The following DYRK1A variants were observed in gnomAD, a reference collection of about 807,000 sequenced individuals.
The protein encoded by DYRK1A is dual specificity tyrosine phosphorylation regulated kinase 1A, also known as dual specificity tyrosine-phosphorylation-regulated kinase 1A.
DYRK1A carries 9 observed loss-of-function variants against 79.7 expected under a neutral mutation model. That is an observed-to-expected ratio of 0.11 (90% confidence interval 0.07 to 0.20). DYRK1A has a LOEUF of 0.20. DYRK1A is among the 10% of genes least tolerant of loss of function. DYRK1A has a pLI of 1.00. For missense variants in DYRK1A, 622 were observed against 956.0 expected (o/e 0.65, Z 4.61); for synonymous variants, 349 against 329.7 (o/e 1.06, Z -0.63).
rs1130754 is a variant in DYRK1A, at chr21:37,486,604, A to G, written c.627A>G (p.Lys209=). 49 of 1,586,656 alleles carry G rather than the reference A, an allele frequency of 3.1e-5. No homozygotes were observed. The Admixed American group carries it at 6.4e-4, about 21-fold the overall frequency. ...ELMNKHDTEM[K]YYIVHLKRHF... ...TGAACAAACATGACACTGAAATGAAATACTACATAGGTAAACAAACAGGCA... is the reference window on the plus strand; with the variant it reads ...TGAACAAACATGACACTGAAATGAAGTACTACATAGGTAAACAAACAGGCA... The change falls in exon 6 of 12, where the codon AAA becomes AAG. Residue 209 remains lysine (K), a synonymous_variant. Transcript: ENST00000647188.
In DYRK1A at chr21:37,514,156, G is replaced by C. The variant is rs899058841; in HGVS notation, c.*1625G>C. 6.6e-6 allele frequency: 1 copy of C among 152,646 alleles called. No individual in the cohort carries two copies. The highest frequency in any genetic ancestry group is 2.4e-5 in the African/African-American group (1 of 41,446). The allele number at this position is 152,646 out of a possible 1,614,324, so 9.5% of individuals were successfully genotyped here. A position where few individuals can be genotyped will look rare whatever the true frequency, so the allele number is the denominator to read the frequency against. On this transcript the variant is annotated 3_prime_UTR_variant, in exon 12 of 12. Coordinates refer to ENST00000647188, the MANE Select transcript of DYRK1A (RefSeq NM_001347721.2). ...TCCTGATTAACCTACTTGTAAACTT[G>C]AAAGCAAGACCTTGATTGCACCAAC...
intron 8 of DYRK1A, among the ~76,000 whole-genome samples, chr21:37,494,627 C>G (rs1455137010): frequency 6.6e-6 from 1 of 152,042 alleles, no homozygotes; most frequent in Admixed American, 6.6e-5. Context: ...TAGTTCTTAG[C>G]CAGCATCTGA....
chr21:37,486,840 G>T lies in DYRK1A; in HGVS notation c.637+226G>T, dbSNP rs2052887945. 2.8e-5 allele frequency: 10 copies of T among 360,236 alleles called. No homozygotes were observed. The East Asian group carries it at 4.4e-4, about 16-fold the overall frequency. 22.3% of individuals were successfully genotyped at this position (360,236 alleles called of 1,614,324 possible). A position where few individuals can be genotyped will look rare whatever the true frequency, so the allele number is the denominator to read the frequency against. On this transcript the variant is annotated intron_variant, in intron 6 of 11. Coordinates refer to ENST00000647188, the MANE Select transcript of DYRK1A (RefSeq NM_001347721.2). Reference sequence around the variant, plus strand: ...TAGCATACCATGTAGAAACAAATGAGAATAGTGTGTGTGTGTTTTTTATTT... The same window carrying T: ...TAGCATACCATGTAGAAACAAATGATAATAGTGTGTGTGTGTTTTTTATTT...
intron 11 of DYRK1A, among the ~76,000 whole-genome samples, chr21:37,507,406 G>C (rs916848043): frequency 1.3e-5 from 2 of 152,008 alleles, no homozygotes; most frequent in African/African-American, 4.8e-5. Flanking sequence ...GCACCTTTGC[G>C]TGTCCCCCTT....
intron 1 of DYRK1A, among the ~76,000 whole-genome samples, chr21:37,396,075 G>A (rs151171600): frequency 0.011 from 1,648 of 152,266 alleles, 28 homozygotes; most frequent in African/African-American, 0.036. Flanking sequence ...TCTGTGTAGT[G>A]CAGGGCCAGT....
At chr21:37,444,490 A>G (rs920953561) in intron 2 of DYRK1A, among the ~76,000 whole-genome samples, 11 of 152,184 alleles carry the variant, frequency 7.2e-5, no homozygotes, top group Non-Finnish European at 1.5e-5. Context: ...TCAGGTGTAG[A>G]CCTGTGACAA....
At chr21:37,485,201 G>C (rs1305264112) in intron 5 of DYRK1A, among the ~76,000 whole-genome samples, 1 of 152,098 alleles carries the variant, frequency 6.6e-6, no homozygotes, top group East Asian at 1.9e-4. Flanking sequence ...TAACTGTTTG[G>C]CAAGTCAGTA....
At chr21:37,436,989 A>G (rs1231032264) in intron 2 of DYRK1A, among the ~76,000 whole-genome samples, 1 of 152,142 alleles carries the variant, frequency 6.6e-6, no homozygotes, top group Non-Finnish European at 1.5e-5. Flanking sequence ...CTTGGCGAAA[A>G]TGGTATTTCA....
At chr21:37,485,045 C>T (rs2052805906) in intron 5 of DYRK1A, among the ~76,000 whole-genome samples, 2 of 152,050 alleles carry the variant, frequency 1.3e-5, no homozygotes, top group Admixed American at 6.5e-5. Context: ...ATCCTGATTG[C>T]GTATTGAAAT....
intron 2 of DYRK1A, among the ~76,000 whole-genome samples, chr21:37,460,592 A>C (rs2051807750): frequency 6.6e-6 from 1 of 152,188 alleles, no homozygotes; most frequent in African/African-American, 2.4e-5. Context: ...GTCTTTGTTT[A>C]CCTGTCTTTT....
chr21:37,450,217 G>A (rs1191356205), intron 2 of DYRK1A, among the ~76,000 whole-genome samples: 1 of 152,214 alleles, frequency 6.6e-6, no homozygotes, highest in Non-Finnish European at 1.5e-5. Context: ...AGGGAGGTAA[G>A]GTAGGAGATT....
At chr21:37,490,808 TTGTA>T (rs1456148870) in intron 7 of DYRK1A, among the ~76,000 whole-genome samples, 3 of 151,916 alleles carry the variant, frequency 2.0e-5, no homozygotes, top group South Asian at 2.1e-4. Context: ...ATATTTAAAA[TTGTA>T]TGTATGCTAA....
At chr21:37,449,391 G>A (rs550643960) in intron 2 of DYRK1A, among the ~76,000 whole-genome samples, 3 of 152,286 alleles carry the variant, frequency 2.0e-5, no homozygotes, top group African/African-American at 4.8e-5. Context: ...TGAACTATGG[G>A]CATTTTTCCT....
intron 1 of DYRK1A, among the ~76,000 whole-genome samples, chr21:37,388,106 T>TA (rs2049797478): frequency 6.7e-6 from 1 of 148,260 alleles, no homozygotes; most frequent in African/African-American, 2.5e-5. Context: ...TTTGATTTTT[T>TA]TTTTTTTTTT....
intron 2 of DYRK1A, among the ~76,000 whole-genome samples, chr21:37,437,744 C>CAA (rs1431672063): frequency 5.8e-4 from 89 of 152,170 alleles, no homozygotes; most frequent in African/African-American, 1.8e-3. Flanking sequence ...TTGGTTTATC[C>CAA]ACTTACCTGT....
At chr21:37,478,350 G>GA in intron 4 of DYRK1A, 50 bp downstream of exon 4, 2 of 1,547,326 alleles carry the variant, frequency 1.3e-6, no homozygotes. Flanking sequence ...ATGTCATTGA[G>GA]AAAAAAAGTG....
At chr21:37,380,478 A>G (rs11701862) in intron 1 of DYRK1A, among the ~76,000 whole-genome samples, 11,462 of 152,104 alleles carry the variant, frequency 0.075, 647 homozygotes, top group Non-Finnish European at 0.11. Flanking sequence ...TTACCTAGGA[A>G]TTGGCCTGAA....
At chr21:37,385,498 AAG>A (rs2049742363) in intron 1 of DYRK1A, among the ~76,000 whole-genome samples, 1 of 151,910 alleles carries the variant, frequency 6.6e-6, no homozygotes, top group Non-Finnish European at 1.5e-5. Context: ...AAGCCAGTAA[AAG>A]AGTCACCTTG....
intron 6 of DYRK1A, among the ~76,000 whole-genome samples, chr21:37,489,278 C>T (rs767248892): frequency 6.6e-6 from 1 of 152,116 alleles, no homozygotes; most frequent in African/African-American, 2.4e-5. Context: ...AGTTGTGTTA[C>T]AGGTGCTCAG....
Sources: allele counts gnomAD v4.1 joint callset (sites outside exome capture counted in the v4.1 genomes callset), GRCh38; gene constraint gnomAD v4.1.1; transcripts MANE v1.5; gene names NCBI Gene and HGNC (gene_info 2026-07-23, HGNC 2026-07-21).